SLC25A21: variants seen among roughly 807,000 people sequenced by gnomAD.
The protein encoded by SLC25A21 is mitochondrial 2-oxodicarboxylate carrier.
SLC25A21 carries 47 observed loss-of-function variants against 43.8 expected under a neutral mutation model. The ratio of observed to expected loss-of-function variants is 1.07; its 90% CI spans 0.85 to 1.37. The LOEUF (loss-of-function observed/expected upper bound fraction) is 1.37, where lower values mean the gene tolerates loss of function less well. Among genes scored for constraint, SLC25A21 ranks in the 40% most tolerant of loss-of-function variants. The pLI is 0.00. For missense variants in SLC25A21, 352 were observed against 350.2 expected, an observed-to-expected ratio of 1.00 and a Z score of -0.04; for synonymous variants, 131 against 121.3, an observed-to-expected ratio of 1.08 and a Z score of -0.52.
chr14:36,825,054 A>G (rs1327934768), intron 2 of SLC25A21, among the ~76,000 whole-genome samples: 3 of 152,282 alleles, frequency 2.0e-5, no homozygotes, highest in Non-Finnish European at 2.9e-5. Context: ...ACGTGATCTC[A>G]TGTGATCTCT....
chr14:37,022,786 A>C (rs923890725), intron 1 of SLC25A21, among the ~76,000 whole-genome samples: 6 of 152,032 alleles, frequency 3.9e-5, no homozygotes, highest in African/African-American at 1.4e-4. Flanking sequence ...TGTCCTGAAA[A>C]CTAATATTGT....
intron 1 of SLC25A21, among the ~76,000 whole-genome samples, chr14:37,128,506 A>G (rs1963333811): frequency 6.8e-6 from 1 of 147,670 alleles, no homozygotes; most frequent in Non-Finnish European, 1.5e-5. Flanking sequence ...TCTGCATGTT[A>G]AGCATTACTT....
intron 1 of SLC25A21, among the ~76,000 whole-genome samples, chr14:36,987,989 T>C (rs914283361): frequency 2.0e-5 from 3 of 151,944 alleles, no homozygotes; most frequent in Non-Finnish European, 4.4e-5. Context: ...GGAGTGGGGG[T>C]TGGAGGTATT....
intron 3 of SLC25A21, chr14:36,806,799 C>G (rs886565703): frequency 3.4e-5 from 5 of 146,806 alleles, no homozygotes; most frequent in African/African-American, 1.2e-4. Context: ...TCTTGTCCCC[C>G]AACCCCCAAC....
chr14:37,090,862 C>G (rs1962571495), intron 1 of SLC25A21, among the ~76,000 whole-genome samples: 1 of 152,114 alleles, frequency 6.6e-6, no homozygotes, highest in Non-Finnish European at 1.5e-5. Flanking sequence ...TAGTTATGTC[C>G]AATAAAGTTG....
intron 3 of SLC25A21, among the ~76,000 whole-genome samples, chr14:36,766,759 C>A (rs961117494): frequency 1.3e-5 from 2 of 152,130 alleles, no homozygotes; most frequent in Non-Finnish European, 2.9e-5. Context: ...GTCGCCCCAA[C>A]CGGAAACTGA....
At chr14:36,882,640 C>T (rs376468687) in intron 1 of SLC25A21, among the ~76,000 whole-genome samples, 2 of 152,114 alleles carry the variant, frequency 1.3e-5, no homozygotes, top group African/African-American at 4.8e-5. Flanking sequence ...CCTACACTCA[C>T]TCTCTTGGTG....
At chr14:37,001,637 C>T (rs996526311) in intron 1 of SLC25A21, among the ~76,000 whole-genome samples, 1 of 151,484 alleles carries the variant, frequency 6.6e-6, no homozygotes, top group East Asian at 1.9e-4. Context: ...TTGTTCATTC[C>T]TTCCTTCATG....
chr14:37,124,691 G>A (rs1007519154), intron 1 of SLC25A21, among the ~76,000 whole-genome samples: 4 of 152,188 alleles, frequency 2.6e-5, no homozygotes, highest in Admixed American at 1.3e-4. Flanking sequence ...CTGTGTCCCC[G>A]CCCAAATTTC....
chr14:36,755,598 A>G (rs555982981), intron 3 of SLC25A21, among the ~76,000 whole-genome samples: 1 of 151,664 alleles, frequency 6.6e-6, no homozygotes, highest in South Asian at 2.1e-4. Flanking sequence ...ATTTCTAAAC[A>G]CTCTCAATTT....
intron 2 of SLC25A21, among the ~76,000 whole-genome samples, chr14:36,861,057 T>C (rs1337074108): frequency 2.0e-5 from 3 of 152,210 alleles, no homozygotes; most frequent in Non-Finnish European, 4.4e-5. Context: ...CTATTTATCA[T>C]CTTGCAAACT....
In SLC25A21 at chr14:36,815,236, G is replaced by A. The variant is rs186778440; in HGVS notation, c.120-1235C>T. ...CTAATGAATGTGGGGCTTAAAACCTGTAAGACGGGTTGATAGGTGCAGCAA... is the reference window on the plus strand; with the variant it reads ...CTAATGAATGTGGGGCTTAAAACCTATAAGACGGGTTGATAGGTGCAGCAA... On this transcript the variant is annotated intron_variant, in intron 2 of 9. Transcript: ENST00000331299. Among the ~76,000 whole-genome samples, 184 of 152,154 alleles carry A rather than the reference G, an allele frequency of 1.2e-3. 1 individual carries two copies. Among genetic ancestry groups the A allele is most frequent in the African/African-American group, 4.0e-3 (165 of 41,508 alleles).
At chr14:36,846,518 AT>A (rs1205714973) in intron 2 of SLC25A21, among the ~76,000 whole-genome samples, 2 of 151,980 alleles carry the variant, frequency 1.3e-5, no homozygotes, top group African/African-American at 2.4e-5. Flanking sequence ...AGTAGCTGGG[AT>A]TACAGGTGCC....
At chr14:36,859,074 TA>T (rs2138528263) in intron 2 of SLC25A21, among the ~76,000 whole-genome samples, 1 of 152,304 alleles carries the variant, frequency 6.6e-6, no homozygotes, top group African/African-American at 2.4e-5. Flanking sequence ...GATTTCAGAA[TA>T]AAAGGCTGGA....
chr14:36,679,549 A>G lies in SLC25A21; in HGVS notation c.*1109T>C. 1.0e-6 allele frequency: 1 copy of G among 985,332 alleles called. No individual in the cohort carries two copies. Among genetic ancestry groups the G allele is most frequent in the Non-Finnish European group, 1.2e-6 (1 of 829,858 alleles). 61.0% of individuals were successfully genotyped at this position (985,332 alleles called of 1,614,324 possible). On this transcript the variant is annotated 3_prime_UTR_variant, in exon 10 of 10. Transcript: ENST00000331299. ...AAGTTTGGTTACATCAAGACCAAGG[A>G]GATATTTTTGTTGATACATGTTAGT...
intron 1 of SLC25A21, among the ~76,000 whole-genome samples, chr14:37,135,981 G>C (rs1362316752): frequency 6.6e-6 from 1 of 152,148 alleles, no homozygotes; most frequent in African/African-American, 2.4e-5. Flanking sequence ...TGATAGTTCA[G>C]TGACTAGTCC....
chr14:37,078,333 T>G (rs1393898802), intron 1 of SLC25A21, among the ~76,000 whole-genome samples: 2 of 152,180 alleles, frequency 1.3e-5, no homozygotes, highest in African/African-American at 4.8e-5. Context: ...AAGTTCTTGG[T>G]GTCCAAGACT....
intron 1 of SLC25A21, among the ~76,000 whole-genome samples, chr14:36,884,378 A>C (rs1273799686): frequency 6.6e-6 from 1 of 152,132 alleles, no homozygotes; most frequent in African/African-American, 2.4e-5. Context: ...TCATTCACTG[A>C]TGGACATTTA....
chr14:36,811,953 A>T (rs1408990013), intron 3 of SLC25A21, among the ~76,000 whole-genome samples: 1 of 152,194 alleles, frequency 6.6e-6, no homozygotes, highest in African/African-American at 2.4e-5. Context: ...TAAAAATCAC[A>T]AATTTCTGAA....
Sources: gnomAD v4.1 joint callset for allele counts (sites outside exome capture counted in the v4.1 genomes callset) on GRCh38, gnomAD v4.1.1 for gene constraint, MANE v1.5 for transcripts, NCBI Gene and HGNC (gene_info 2026-07-23, HGNC 2026-07-21) for gene names.